LYST: variants seen among roughly 807,000 people sequenced by gnomAD.
LYST encodes lysosomal trafficking regulator, also known as lysosomal-trafficking regulator.
LYST carries 192 observed loss-of-function variants against 413.6 expected under a neutral mutation model. The ratio of observed to expected loss-of-function variants is 0.46; its 90% CI spans 0.41 to 0.52. LYST has a LOEUF of 0.52. Ranked by LOEUF, LYST falls within the 20% of genes least tolerant of loss-of-function variation. The pLI is 0.00. For missense variants in LYST, 3,815 were observed against 4,499.9 expected (o/e 0.85, Z 4.35); for synonymous variants, 1,525 against 1,567.3 (o/e 0.97, Z 0.64).
intron 1 of LYST, among the ~76,000 whole-genome samples, chr1:235,836,652 AAAGT>A (rs1321361180): frequency 3.9e-5 from 6 of 152,324 alleles, no homozygotes; most frequent in East Asian, 3.9e-4. Flanking sequence ...CTCAGGAACT[AAAGT>A]AAGCATGGAA....
intron 44 of LYST, among the ~76,000 whole-genome samples, chr1:235,704,414 ATC>A (rs1172843557): frequency 6.6e-6 from 1 of 152,146 alleles, no homozygotes; most frequent in Non-Finnish European, 1.5e-5. Flanking sequence ...CCTCGCCAGC[ATC>A]TGTTATTTTT....
At chr1:235,856,110 C>G (rs909049771) in intron 1 of LYST, among the ~76,000 whole-genome samples, 2 of 151,938 alleles carry the variant, frequency 1.3e-5, no homozygotes, top group African/African-American at 4.8e-5. Flanking sequence ...AATTTTTTTC[C>G]CTACCACACT....
At chr1:235,880,077 C>G (rs965261218) in intron 1 of LYST, among the ~76,000 whole-genome samples, 1 of 152,162 alleles carries the variant, frequency 6.6e-6, no homozygotes, top group African/African-American at 2.4e-5. Context: ...GAACTCTTGT[C>G]TCGTTTTTTC....
At chr1:235,761,774 AC>A (rs1667612089) in intron 22 of LYST, among the ~76,000 whole-genome samples, 1 of 150,568 alleles carries the variant, frequency 6.6e-6, no homozygotes, top group African/African-American at 2.5e-5. Context: ...TAAAAAAAAA[AC>A]AAAAAAAAAC....
intron 1 of LYST, chr1:235,839,630 C>T (rs186411549): frequency 1.0e-3 from 156 of 149,336 alleles, no homozygotes; most frequent in Middle Eastern, 0.01. Flanking sequence ...CCCCCCACCA[C>T]GCCCCATCTC....
intron 10 of LYST, among the ~76,000 whole-genome samples, chr1:235,796,805 T>A (rs1671598866): frequency 6.6e-6 from 1 of 152,218 alleles, no homozygotes. Flanking sequence ...TAAATTTCTG[T>A]TCATTACAAA....
At chr1:235,799,375 A>C (rs1039545610) in intron 10 of LYST, among the ~76,000 whole-genome samples, 2 of 152,202 alleles carry the variant, frequency 1.3e-5, no homozygotes, top group South Asian at 4.1e-4. Context: ...TTATAAAGGG[A>C]AAATAGTAAC....
chr1:235,861,861 T>G (rs946517224), intron 1 of LYST, among the ~76,000 whole-genome samples: 15 of 152,234 alleles, frequency 9.9e-5, no homozygotes, highest in Admixed American at 9.8e-4. Flanking sequence ...CTATATAATT[T>G]GATTTAGAAG....
chr1:235,793,546 A>G lies in LYST; in HGVS notation c.4073T>C (p.Leu1358Pro). Residue 1358 changes from leucine to proline, a missense_variant, in exon 11 of 53, where the codon CTA (leucine) becomes CCA (proline). Physicochemically the swap from Leu to Pro is moderately conservative, Grantham distance 98 (BLOSUM62 -3). Coordinates refer to ENST00000389793, the MANE Select transcript of LYST (RefSeq NM_000081.4). ...LMSSRTCSEE[L>P]TLLLRIFLEK... ...CAGAAATATTCTCAAAAGAAGGGTT[A>G]GCTCTTCTGAACATGTTCTTGAACT... 1 of 1,595,348 alleles carries G rather than the reference A, an allele frequency of 6.3e-7. No homozygotes were observed. Among genetic ancestry groups the G allele is most frequent in the Non-Finnish European group, 8.6e-7 (1 of 1,165,278 alleles).
chr1:235,790,818 T>C (rs1009945558), intron 12 of LYST, among the ~76,000 whole-genome samples: 1 of 152,178 alleles, frequency 6.6e-6, no homozygotes, highest in Non-Finnish European at 1.5e-5. Flanking sequence ...GGAACTGGAA[T>C]GAAATTTATT....
chr1:235,741,451 G>C lies in LYST; in HGVS notation c.8329C>G (p.Leu2777Val). 6.2e-7 allele frequency: 1 copy of C among 1,614,058 alleles called. No homozygotes were observed. Among genetic ancestry groups the C allele is most frequent in the Non-Finnish European group, 8.5e-7 (1 of 1,179,974 alleles). ...AGGGATGGGCTGAGACAGTCTCGTA[G>C]TATTTCCTGATGATTTGGTTCATGA... ...IVHEPNHQEI[L>V]RDCLSPSLQH... is the part of the protein sequence containing the mutation. The change falls in exon 31 of 53, where the codon CTA becomes GTA. Residue 2777 changes from leucine (L) to valine (V), a missense_variant. Transcript: ENST00000389793.
intron 4 of LYST, among the ~76,000 whole-genome samples, chr1:235,811,406 A>G (rs1673438189): frequency 6.6e-6 from 1 of 152,194 alleles, no homozygotes; most frequent in African/African-American, 2.4e-5. Context: ...AAAATCATAC[A>G]CTATATGCCA....
chr1:235,862,804 C>T (rs1030894873), intron 1 of LYST, among the ~76,000 whole-genome samples: 1 of 93,540 alleles, frequency 1.1e-5, no homozygotes, highest in African/African-American at 4.4e-5. Context: ...TCAAAACAAA[C>T]AAACACACAC....
chr1:235,702,448 A>G (rs192042307), intron 45 of LYST, among the ~76,000 whole-genome samples: 4 of 152,226 alleles, frequency 2.6e-5, no homozygotes, highest in Non-Finnish European at 5.9e-5. Flanking sequence ...GAAAAATCCT[A>G]TTATGTCACT....
At chr1:235,845,808 C>T (rs79862826) in intron 1 of LYST, among the ~76,000 whole-genome samples, 9,315 of 152,072 alleles carry the variant, frequency 0.061, 951 homozygotes, top group African/African-American at 0.21. Flanking sequence ...ATCTCACCCC[C>T]AATTCCCCAC....
At chr1:235,693,207 C>T in intron 47 of LYST, 143 bp downstream of exon 47, 1 of 618,990 alleles carries the variant, frequency 1.6e-6, no homozygotes, top group East Asian at 2.9e-5. Flanking sequence ...GTCCCAGCTA[C>T]TTGGGAGGCT....
At chr1:235,836,530 C>T (rs1427396863) in intron 1 of LYST, among the ~76,000 whole-genome samples, 2 of 152,036 alleles carry the variant, frequency 1.3e-5, no homozygotes, top group South Asian at 2.1e-4. Flanking sequence ...AACGTGCGTT[C>T]CAAGCCACTG....
At position 235,720,898 on chromosome 1, in the gene LYST, T is replaced by C. The variant is rs1663301083; in HGVS notation, c.9323A>G (p.Asp3108Gly). The change falls in exon 40 of 53, where the codon GAT becomes GGT. Residue 3108 changes from aspartate (D) to glycine (G), a missense_variant. This residue lies in a region of LYST where 866 missense variants were observed against 1,156.0 expected (regional missense o/e 0.75). Coordinates refer to ENST00000389793, the MANE Select transcript of LYST (RefSeq NM_000081.4). ...LLAFDNTKVRDDVYHNILTNN... is the reference protein window; with the variant it reads ...LLAFDNTKVRGDVYHNILTNN... ...TGTGAGTATATTGTGGTATACATCA[T>C]CACGAACCTAAAAGGGAAGGAGAAG... The C allele has an allele frequency of 1.9e-6, 3 of 1,613,642 alleles. No individual in the cohort carries two copies. The highest frequency in any genetic ancestry group is 2.5e-6 in the Non-Finnish European group (3 of 1,179,664).
In LYST at chr1:235,830,329, C is replaced by G; in HGVS notation, c.89G>C (p.Arg30Thr). The change falls in exon 3 of 53, where the codon AGG becomes ACG. Residue 30 changes from arginine (R) to threonine (T), a missense_variant. By Grantham distance (71) the Arg-to-Thr change is moderately conservative (BLOSUM62 -1). Transcript: ENST00000389793. ...CNAVVQRVEA[R>T]EEEEEETHMA... Reference sequence around the variant, plus strand: ...GTGCGTCTCCTCCTCTTCTTCCTCCCTGGCCTCCACCCTCTGGACCACTGC... The same window carrying G: ...GTGCGTCTCCTCCTCTTCTTCCTCCGTGGCCTCCACCCTCTGGACCACTGC... The G allele has an allele frequency of 6.2e-7, 1 of 1,613,962 alleles. No individual in the cohort carries two copies.
Sources: allele counts gnomAD v4.1 joint callset (sites outside exome capture counted in the v4.1 genomes callset), GRCh38; gene constraint gnomAD v4.1.1; regional missense constraint gnomAD v4.1.1; transcripts MANE v1.5; gene names NCBI Gene and HGNC (gene_info 2026-07-23, HGNC 2026-07-21).